The following NAALADL2 variants were observed in gnomAD, a reference collection of about 807,000 sequenced individuals.
The protein encoded by NAALADL2 is inactive N-acetylated-alpha-linked acidic dipeptidase-like protein 2.
In NAALADL2, 76 loss-of-function variants were observed where a neutral mutation model predicts 87.2. The ratio of observed to expected loss-of-function variants is 0.87; its 90% CI spans 0.72 to 1.05. The LOEUF (loss-of-function observed/expected upper bound fraction) is 1.05, where lower values mean the gene tolerates loss of function less well. Among genes scored for constraint, NAALADL2 ranks in the 50% least tolerant of loss-of-function variants. The pLI is 0.00. For missense variants in NAALADL2, 1,089 were observed against 945.8 expected (o/e 1.15, Z -1.99); for synonymous variants, 354 against 331.0 (o/e 1.07, Z -0.75).
intron 1 of NAALADL2, among the ~76,000 whole-genome samples, chr3:174,878,271 G>GA (rs1419032993): frequency 6.6e-6 from 1 of 152,014 alleles, no homozygotes; most frequent in Non-Finnish European, 1.5e-5. Context: ...GTCAAATTGA[G>GA]AACTCAGATG....
chr3:174,512,227 T>C (rs780633701), intron 1 of NAALADL2, among the ~76,000 whole-genome samples: 5 of 152,220 alleles, frequency 3.3e-5, no homozygotes, highest in Non-Finnish European at 7.3e-5. Context: ...GGGCTTAGAT[T>C]GGTAAATTGA....
intron 2 of NAALADL2, among the ~76,000 whole-genome samples, chr3:175,152,134 G>A (rs1731634079): frequency 6.6e-6 from 1 of 152,094 alleles, no homozygotes; most frequent in Non-Finnish European, 1.5e-5. Flanking sequence ...TTATATTGTA[G>A]GATGTTATCG....
At chr3:175,655,425 G>A in intron 11 of NAALADL2, 3 of 313,694 alleles carry the variant, frequency 9.6e-6, no homozygotes, top group South Asian at 2.5e-5. Flanking sequence ...TTTAGCTGGA[G>A]TTTGCCAAAC....
At chr3:175,151,329 G>T (rs1731510954) in intron 2 of NAALADL2, among the ~76,000 whole-genome samples, 1 of 152,174 alleles carries the variant, frequency 6.6e-6, no homozygotes, top group Non-Finnish European at 1.5e-5. Context: ...TGGCTGAATA[G>T]ACGGCCTACC....
chr3:175,302,432 C>G (rs1757197145), intron 4 of NAALADL2, among the ~76,000 whole-genome samples: 1 of 152,094 alleles, frequency 6.6e-6, no homozygotes, highest in Non-Finnish European at 1.5e-5. Flanking sequence ...ATCTGGCACT[C>G]TAGTAAACTT....
chr3:175,249,340 T>C (rs1018300448), intron 3 of NAALADL2, among the ~76,000 whole-genome samples: 1 of 152,114 alleles, frequency 6.6e-6, no homozygotes, highest in Non-Finnish European at 1.5e-5. Context: ...TAGAGGATTA[T>C]CCATATTAGA....
chr3:174,826,923 G>A (rs541207782), intron 3 of NAALADL2, among the ~76,000 whole-genome samples: 5 of 152,018 alleles, frequency 3.3e-5, no homozygotes, highest in African/African-American at 1.2e-4. Context: ...AATAACAAAA[G>A]CAATTCCAGC....
chr3:175,701,588 G>A (rs936149058), intron 11 of NAALADL2, among the ~76,000 whole-genome samples: 2 of 152,060 alleles, frequency 1.3e-5, no homozygotes, highest in African/African-American at 2.4e-5. Context: ...ACGCCAGTAG[G>A]CTAGTTGGCT....
intron 1 of NAALADL2, among the ~76,000 whole-genome samples, chr3:175,087,313 C>G (rs919857496): frequency 5.9e-5 from 9 of 152,164 alleles, no homozygotes. Flanking sequence ...GGCAGCTGCC[C>G]CTTCCGGGAA....
At chr3:175,105,254 G>C (rs1722895940) in intron 2 of NAALADL2, among the ~76,000 whole-genome samples, 1 of 152,044 alleles carries the variant, frequency 6.6e-6, no homozygotes, top group Non-Finnish European at 1.5e-5. Context: ...CTGTTTCACA[G>C]TGGAGAAAGA....
chr3:175,733,074 G>A (rs931732341), intron 11 of NAALADL2, among the ~76,000 whole-genome samples: 4 of 151,984 alleles, frequency 2.6e-5, no homozygotes, highest in African/African-American at 9.7e-5. Flanking sequence ...AATAAAAAAG[G>A]GGTTCTTTCT....
At chr3:175,126,541 T>G (rs570738352) in intron 2 of NAALADL2, among the ~76,000 whole-genome samples, 3 of 152,260 alleles carry the variant, frequency 2.0e-5, no homozygotes, top group Non-Finnish European at 4.4e-5. Context: ...AAGGAAAATA[T>G]ATATATTTCA....
chr3:175,435,734 G>T (rs115360983), intron 5 of NAALADL2, among the ~76,000 whole-genome samples: 4,335 of 151,956 alleles, frequency 0.029, 76 homozygotes, highest in Non-Finnish European at 0.041. Context: ...TTTAATCATG[G>T]GGAAAGTTTT....
At chr3:175,181,733 A>ATGTATATATATG (rs1553802512) in intron 2 of NAALADL2, among the ~76,000 whole-genome samples, 10,433 of 31,376 alleles carry the variant, frequency 0.33, 2,085 homozygotes, top group East Asian at 0.48. Context: ...ATATGTATAT[A>ATGTATATATATG]TGTGTATATA....
At chr3:175,625,047 C>T (rs558920160) in intron 10 of NAALADL2, among the ~76,000 whole-genome samples, 1 of 152,074 alleles carries the variant, frequency 6.6e-6, no homozygotes, top group South Asian at 2.1e-4. Context: ...TCTAATATCT[C>T]TTCCAAGTCT....
At chr3:175,084,242 T>C (rs1188065498) in intron 1 of NAALADL2, among the ~76,000 whole-genome samples, 1 of 152,148 alleles carries the variant, frequency 6.6e-6, no homozygotes, top group Admixed American at 6.5e-5. Context: ...TTTAATTATG[T>C]CTCATTATTT....
chr3:175,261,196 A>T (rs1404802377), intron 4 of NAALADL2, among the ~76,000 whole-genome samples: 1 of 152,128 alleles, frequency 6.6e-6, no homozygotes, highest in African/African-American at 2.4e-5. Context: ...ATGTACTCAC[A>T]TTTCTCTCAG....
intron 12 of NAALADL2, among the ~76,000 whole-genome samples, chr3:175,743,773 C>T (rs965707888): frequency 1.3e-5 from 2 of 152,140 alleles, no homozygotes; most frequent in Admixed American, 6.5e-5. Context: ...TTCGTGAAAA[C>T]GAGATCATAG....
intron 9 of NAALADL2, among the ~76,000 whole-genome samples, chr3:175,553,138 C>T (rs1382998358): frequency 6.6e-6 from 1 of 151,998 alleles, no homozygotes; most frequent in Non-Finnish European, 1.5e-5. Flanking sequence ...ATGTCAAGGT[C>T]CCAGAAAGTA....
Sources: allele counts gnomAD v4.1 joint callset (sites outside exome capture counted in the v4.1 genomes callset), GRCh38; gene constraint gnomAD v4.1.1; transcripts MANE v1.5; gene names NCBI Gene and HGNC (gene_info 2026-07-23, HGNC 2026-07-21).